Variants in PTK2B observed in about 807,000 individuals in gnomAD.
PTK2B encodes the protein protein tyrosine kinase 2 beta, also known as protein-tyrosine kinase 2-beta.
Under a neutral mutation model 142.9 loss-of-function variants are expected in PTK2B, and 71 were observed. That is an observed-to-expected ratio of 0.50 (90% CI 0.41 to 0.61). The LOEUF (loss-of-function observed/expected upper bound fraction) is 0.61, where lower values mean the gene tolerates loss of function less well. Ranked by LOEUF, PTK2B falls within the 20% of genes least tolerant of loss-of-function variation. The pLI is 0.00. For missense variants in PTK2B, 1,105 were observed against 1,320.4 expected (o/e 0.84, Z 2.53); for synonymous variants, 519 against 503.4 (o/e 1.03, Z -0.42).
chr8:27,390,938 A>G (rs1374771427), intron 1 of PTK2B, among the ~76,000 whole-genome samples: 2 of 152,168 alleles, frequency 1.3e-5, no homozygotes, highest in Non-Finnish European at 2.9e-5. Context: ...GTAATGGCCC[A>G]GTTGTATGGC....
At chr8:27,384,709 A>T (rs1807233329) in intron 1 of PTK2B, among the ~76,000 whole-genome samples, 1 of 152,334 alleles carries the variant, frequency 6.6e-6, no homozygotes, top group East Asian at 1.9e-4. Flanking sequence ...CTGAGATGTT[A>T]TGGAGAAATA....
intron 24 of PTK2B, among the ~76,000 whole-genome samples, chr8:27,448,350 T>C (rs894244052): frequency 6.6e-6 from 1 of 152,230 alleles, no homozygotes; most frequent in Admixed American, 6.5e-5. Flanking sequence ...CCAATTCCTT[T>C]TAAGAATAGA....
At chr8:27,440,795 G>A (rs939047393) in intron 21 of PTK2B, among the ~76,000 whole-genome samples, 8 of 152,186 alleles carry the variant, frequency 5.3e-5, no homozygotes, top group African/African-American at 1.7e-4. Context: ...CTTGTCTCTC[G>A]ACTTTGATCT....
At chr8:27,371,538 T>C (rs997848683) in intron 1 of PTK2B, among the ~76,000 whole-genome samples, 4 of 129,696 alleles carry the variant, frequency 3.1e-5, no homozygotes, top group Non-Finnish European at 6.4e-5. Flanking sequence ...GAATCTATTT[T>C]TATTATTTAT....
chr8:27,444,411 A>T, intron 23 of PTK2B, 140 bp downstream of exon 23: 1 of 874,974 alleles, frequency 1.1e-6, no homozygotes. Flanking sequence ...TTTGGCACCC[A>T]GAACAGAATG....
chr8:27,450,712 C>T (rs954468488), intron 24 of PTK2B, 37 bp from the exon 25 acceptor site: 2 of 1,612,518 alleles, frequency 1.2e-6, no homozygotes, highest in African/African-American at 1.3e-5. Context: ...GAGCAGGGCT[C>T]ATTGCATCCT....
intron 1 of PTK2B, among the ~76,000 whole-genome samples, chr8:27,347,408 T>C (rs557964259): frequency 6.6e-6 from 1 of 152,316 alleles, no homozygotes. Flanking sequence ...TATGTTAGTT[T>C]GCTCAACTGT....
intron 23 of PTK2B, 92 bp downstream of exon 23, chr8:27,444,363 C>T: frequency 7.0e-7 from 1 of 1,431,140 alleles, no homozygotes; most frequent in East Asian, 2.3e-5. Context: ...GCAGCAGTCA[C>T]CCACTTGGGT....
Position 27,454,527 on chromosome 8 carries a change from C to T in PTK2B, c.2734-4C>T, listed in dbSNP as rs184516987. The stretch of plus-strand genomic sequence containing the variant: ...GCGGCCATCCTGCCCCTTTCTCCCC[C>T]CAGAATGTGGGGCTGACCCTGCGGA... On this transcript the variant is annotated splice_region_variant and splice_polypyrimidine_tract_variant and intron_variant, in intron 29 of 30. Transcript: ENST00000346049. 683 of 1,614,038 alleles carry T rather than the reference C, an allele frequency of 4.2e-4. 1 individual carries two copies. In the African/African-American group the frequency reaches 7.9e-3, roughly 19 times the overall value.
intron 4 of PTK2B, among the ~76,000 whole-genome samples, chr8:27,421,371 A>G (rs769913828): frequency 3.3e-5 from 5 of 151,720 alleles, no homozygotes; most frequent in African/African-American, 9.7e-5. Context: ...TTACATGAAT[A>G]ATTTCTTTAA....
In PTK2B at chr8:27,395,171, T is replaced by G. The variant is rs544310829; in HGVS notation, c.-37-2377T>G. 4.6e-5 allele frequency among the ~76,000 whole-genome samples: 7 copies of G among 152,210 alleles called. No homozygotes were observed. The East Asian group carries it at 9.7e-4, about 21-fold the overall frequency. On this transcript the variant is annotated intron_variant, in intron 1 of 30. Transcript: ENST00000346049. ...CATAATCTTTATTATCATTATCAAG[T>G]GTTATGTACCACCCGTAATTGTATG...
At position 27,458,629 on chromosome 8, in the gene PTK2B, C is replaced by G; in HGVS notation, c.*120C>G. ...GGCCAAGGGGAGTCACCTTCCCTTGCCACTTTGCACGACGCCCTCTCCCCA... is the reference window on the plus strand; with the variant it reads ...GGCCAAGGGGAGTCACCTTCCCTTGGCACTTTGCACGACGCCCTCTCCCCA... On this transcript the variant is annotated 3_prime_UTR_variant, in exon 31 of 31. Transcript: ENST00000346049. 9.8e-7 allele frequency: 1 copy of G among 1,023,598 alleles called. No homozygotes were observed. Among genetic ancestry groups the G allele is most frequent in the Non-Finnish European group, 1.4e-6 (1 of 700,872 alleles). 63.4% of individuals were successfully genotyped at this position (1,023,598 alleles called of 1,614,324 possible).
intron 1 of PTK2B, among the ~76,000 whole-genome samples, chr8:27,357,457 G>T (rs1341520332): frequency 6.6e-6 from 1 of 152,200 alleles, no homozygotes; most frequent in African/African-American, 2.4e-5. Context: ...CAGCAGAAGA[G>T]AATGGGAAAT....
At chr8:27,333,313 A>G (rs1473066270) in intron 1 of PTK2B, among the ~76,000 whole-genome samples, 1 of 152,210 alleles carries the variant, frequency 6.6e-6, no homozygotes, top group African/African-American at 2.4e-5. Context: ...TTATCCTGGA[A>G]GTCCCAGACA....
At position 27,370,800 on chromosome 8, in the gene PTK2B, A is replaced by T. The variant is rs907086032; in HGVS notation, c.-37-26748A>T. On this transcript the variant is annotated intron_variant, in intron 1 of 30. Coordinates refer to ENST00000346049, the MANE Select transcript of PTK2B (RefSeq NM_173176.3). Reference sequence around the variant, plus strand: ...CCCCCTGTTACCTGAAAGCAACTCTATGATGAAAAGAGGATGATCTGAGAC... The same window carrying T: ...CCCCCTGTTACCTGAAAGCAACTCTTTGATGAAAAGAGGATGATCTGAGAC... Among the ~76,000 whole-genome samples the T allele has an allele frequency of 2.0e-5, 3 of 152,210 alleles. No homozygotes were observed. The East Asian group carries it at 5.8e-4, about 29-fold the overall frequency.
chr8:27,369,063 G>A (rs991652119), intron 1 of PTK2B, among the ~76,000 whole-genome samples: 1 of 152,222 alleles, frequency 6.6e-6, no homozygotes, highest in Non-Finnish European at 1.5e-5. Flanking sequence ...TGGAGCTGCA[G>A]CTGGTTGCTT....
In PTK2B at chr8:27,442,896, G is replaced by C; in HGVS notation, c.2061G>C (p.Lys687Asn). The C allele has an allele frequency of 6.2e-7, 1 of 1,614,152 alleles. No homozygotes were observed. The highest frequency in any genetic ancestry group is 1.1e-5 in the South Asian group (1 of 91,082). ...CSLSDVYQME[K>N]DIAMEQERNA... Reference sequence around the variant, plus strand: ...GCAGTGACGTTTATCAGATGGAGAAGGACATTGCCATGGAGCAAGAGAGGA... The same window carrying C: ...GCAGTGACGTTTATCAGATGGAGAACGACATTGCCATGGAGCAAGAGAGGA... The change falls in exon 22 of 31, where the codon AAG (lysine) becomes AAC (asparagine). Residue 687 changes from lysine (K) to asparagine (N), a missense_variant. Transcript: ENST00000346049.
intron 8 of PTK2B, 51 bp downstream of exon 8, chr8:27,431,067 C>A: frequency 6.3e-7 from 1 of 1,579,590 alleles, no homozygotes. Context: ...CCAGGCCTCT[C>A]GGAAAAGGGG....
At chr8:27,452,559 C>CAAAAAAAA (rs371050770) in intron 27 of PTK2B, 1 of 130,466 alleles carries the variant, frequency 7.7e-6, no homozygotes, top group African/African-American at 2.9e-5. Flanking sequence ...AGCCCTGCCT[C>CAAAAAAAA]AAAAAAAAAA....
Sources: allele counts gnomAD v4.1 joint callset (sites outside exome capture counted in the v4.1 genomes callset), GRCh38; gene constraint gnomAD v4.1.1; transcripts MANE v1.5; gene names NCBI Gene and HGNC (gene_info 2026-07-23, HGNC 2026-07-21).